The following CFAP97D2 variants were observed in gnomAD, a reference collection of about 807,000 sequenced individuals.
CFAP97D2 encodes uncharacterized protein CFAP97D2.
At position 114,207,928 on chromosome 13, in the gene CFAP97D2, C is replaced by T. The variant is rs570166937; in HGVS notation, c.291-3984C>T. 6.6e-5 allele frequency among the ~76,000 whole-genome samples: 10 copies of T among 152,286 alleles called. No individual in the cohort carries two copies. The highest frequency in any genetic ancestry group is 1.0e-4 in the Non-Finnish European group (7 of 68,016). ...CTAAGAGAAGACATTGGCCAGAAAG[C>T]AAGGAGAAGCTGTATCCAGAAAGTA... On this transcript the variant is annotated intron_variant, in intron 3 of 4. Coordinates refer to ENST00000646158, the Ensembl canonical transcript of CFAP97D2. The surrounding 1 kb of genome is among the most constrained non-coding windows in gnomAD (Gnocchi z 4.9).
intron 1 of CFAP97D2, among the ~76,000 whole-genome samples, chr13:114,180,929 G>A (rs2080829742): frequency 2.0e-5 from 3 of 152,352 alleles, no homozygotes; most frequent in Admixed American, 2.0e-4. Flanking sequence ...GGGAGGTGCA[G>A]AGATGATTGA....
rs548095005 is a variant in CFAP97D2, at chr13:114,207,666, G to A, written c.291-4246G>A. On this transcript the variant is annotated intron_variant, in intron 3 of 4. Transcript: ENST00000646158. This position sits in a 1 kb window ranked among gnomAD's most constrained non-coding sequence, Gnocchi z 4.9. ...CCTCGCCTGCTGCTCACCTCCTGCT[G>A]TTTGGCCTGGTTCCTAACAGGCCAC... Among the ~76,000 whole-genome samples, 4 of 152,348 alleles carry A rather than the reference G, an allele frequency of 2.6e-5. No homozygotes were observed. Among genetic ancestry groups the A allele is most frequent in the African/African-American group, 7.2e-5 (3 of 41,582 alleles).
At chr13:114,191,679 T>G (rs2138756748) in intron 1 of CFAP97D2, among the ~76,000 whole-genome samples, 1 of 152,344 alleles carries the variant, frequency 6.6e-6, no homozygotes, top group South Asian at 2.1e-4. Context: ...GAAGACAAAA[T>G]GGCAGTTGCT....
At chr13:114,208,297 C>T (rs7998623) in intron 3 of CFAP97D2, among the ~76,000 whole-genome samples, 42,347 of 152,090 alleles carry the variant, frequency 0.28, 7,816 homozygotes, top group East Asian at 0.56. Flanking sequence ...ATTTCAAATA[C>T]GGATTTCTTT....
intron 4 of CFAP97D2, among the ~76,000 whole-genome samples, chr13:114,213,391 G>A (rs1267372180): frequency 2.3e-5 from 3 of 128,154 alleles, no homozygotes; most frequent in South Asian, 2.6e-4. Flanking sequence ...CTAGGATCAC[G>A]AATCCCACCC....
chr13:114,209,464 C>G (rs370645777), intron 3 of CFAP97D2, among the ~76,000 whole-genome samples: 2 of 152,204 alleles, frequency 1.3e-5, no homozygotes, highest in South Asian at 4.1e-4. Context: ...TCTCAGGGGC[C>G]CTTCCTGGTA....
chr13:114,209,544 C>T (rs1316305460), intron 3 of CFAP97D2, among the ~76,000 whole-genome samples: 1 of 152,176 alleles, frequency 6.6e-6, no homozygotes, highest in African/African-American at 2.4e-5. Flanking sequence ...ACCTAAATGT[C>T]ACATGGAGAG....
chr13:114,194,956 C>T (rs61380732), intron 1 of CFAP97D2, among the ~76,000 whole-genome samples: 1,557 of 152,238 alleles, frequency 0.01, 26 homozygotes, highest in African/African-American at 0.035. Flanking sequence ...CTGTCCATGC[C>T]CCAAACCCAC....
chr13:114,206,055 C>T (rs1304093480), intron 3 of CFAP97D2, among the ~76,000 whole-genome samples: 1 of 151,786 alleles, frequency 6.6e-6, no homozygotes, highest in Non-Finnish European at 1.5e-5. Flanking sequence ...CAGGTTTCAG[C>T]TCAAATGCCA....
chr13:114,183,216 G>C (rs2080843302), intron 1 of CFAP97D2, among the ~76,000 whole-genome samples: 1 of 152,122 alleles, frequency 6.6e-6, no homozygotes, highest in South Asian at 2.1e-4. Context: ...ACCCAGGCGG[G>C]AGTGCAGTGG....
rs574280824 is a variant in CFAP97D2, at chr13:114,187,481, A to G, written c.90+8061A>G. On this transcript the variant is annotated intron_variant, in intron 1 of 4. Transcript: ENST00000646158. The surrounding 1 kb of genome is among the most constrained non-coding windows in gnomAD (Gnocchi z 4.2). Reference sequence around the variant, plus strand: ...AAGTCAAAAGAAAGCTGGAGTAACTATATTAATTTTAGAGCAGACTTCAAA... The same window carrying G: ...AAGTCAAAAGAAAGCTGGAGTAACTGTATTAATTTTAGAGCAGACTTCAAA... 6.6e-5 allele frequency among the ~76,000 whole-genome samples: 10 copies of G among 152,338 alleles called. No individual in the cohort carries two copies. The South Asian group carries it at 1.9e-3, about 28-fold the overall frequency.
At chr13:114,180,222 T>C (rs547792752) in intron 1 of CFAP97D2, among the ~76,000 whole-genome samples, 15 of 152,356 alleles carry the variant, frequency 9.8e-5, no homozygotes, top group African/African-American at 3.6e-4. Flanking sequence ...TTTGGGTTTC[T>C]GTTTCTGGGA....
chr13:114,209,853 G>A (rs982544580), intron 3 of CFAP97D2, among the ~76,000 whole-genome samples: 4 of 152,106 alleles, frequency 2.6e-5, no homozygotes, highest in South Asian at 4.2e-4. Flanking sequence ...GCCAATGCTC[G>A]GCACATAGTA....
chr13:114,198,835 A>G (rs372069693), intron 2 of CFAP97D2, among the ~76,000 whole-genome samples: 370 of 32,738 alleles, frequency 0.011, 17 homozygotes, highest in Middle Eastern at 0.052. Context: ...GAGGCGTGAC[A>G]GCGCGTCCCC....
chr13:114,194,506 T>C (rs888076731), intron 1 of CFAP97D2, among the ~76,000 whole-genome samples: 3 of 152,182 alleles, frequency 2.0e-5, no homozygotes, highest in Non-Finnish European at 2.9e-5. Context: ...ACGTGAGTCC[T>C]GAGTCAAACA....
In CFAP97D2 at chr13:114,185,154, G is replaced by A. The variant is rs1336109031; in HGVS notation, c.90+5734G>A. 2.0e-5 allele frequency among the ~76,000 whole-genome samples: 3 copies of A among 152,130 alleles called. No individual in the cohort carries two copies. The highest frequency in any genetic ancestry group is 7.2e-5 in the African/African-American group (3 of 41,434). On this transcript the variant is annotated intron_variant, in intron 1 of 4. Transcript: ENST00000646158. This position sits in a 1 kb window ranked among gnomAD's most constrained non-coding sequence, Gnocchi z 5.2. ...GTGGCCAGGCAGGACCTGCTCCCAG[G>A]CCCAGGGCCTCCACCACTGCAGACT...
intron 1 of CFAP97D2, among the ~76,000 whole-genome samples, chr13:114,194,064 A>G (rs2080877918): frequency 6.6e-6 from 1 of 152,246 alleles, no homozygotes; most frequent in African/African-American, 2.4e-5. Context: ...CACTATTTTG[A>G]AATTGGCAAA....
chr13:114,182,557 G>T (rs545085893), intron 1 of CFAP97D2, among the ~76,000 whole-genome samples: 28 of 152,180 alleles, frequency 1.8e-4, no homozygotes, highest in Non-Finnish European at 3.8e-4. Context: ...ACTATCACAT[G>T]GGGAGAAACC....
rs1321835573 is a variant in CFAP97D2 at position 114,182,246 on chromosome 13, TTA to T, written c.90+2828_90+2829del. Among the ~76,000 whole-genome samples the T allele has an allele frequency of 8.8e-4, 133 of 151,674 alleles. 2 individuals are homozygous for T. Among genetic ancestry groups the T allele is most frequent in the South Asian group, 4.2e-4 (2 of 4,760 alleles). ...GCCTGGATGTGCACGTAGGCCAGAT[TTA>T]TGTTTCTCTCCGCCCAAACATCTCA... is the stretch of plus-strand genomic sequence containing the variant. On this transcript the variant is annotated intron_variant, in intron 1 of 4. Transcript: ENST00000646158.
Sources: gnomAD v4.1 joint callset for allele counts (sites outside exome capture counted in the v4.1 genomes callset) on GRCh38, gnomAD v4.1.1 for gene constraint, Gnocchi (gnomAD v3.1) non-coding constraint, MANE v1.5 for transcripts, NCBI Gene and HGNC (gene_info 2026-07-23, HGNC 2026-07-21) for gene names.